Variants in KCNMA1 observed in about 807,000 individuals in gnomAD.
KCNMA1 encodes Calcium-activated potassium channel subunit alpha-1.
A neutral mutation model predicts 140.0 loss-of-function variants in KCNMA1; 29 were observed. The observed-to-expected ratio is 0.21, with a 90% CI of 0.15 to 0.28. KCNMA1 has a LOEUF of 0.28. Ranked by LOEUF, KCNMA1 falls within the 10% of genes least tolerant of loss-of-function variation. The probability of loss-of-function intolerance (pLI) is 1.00; values close to 1 mark genes in which losing one functional copy is unlikely to be tolerated. For missense variants in KCNMA1, 880 were observed against 1,602.2 expected, an observed-to-expected ratio of 0.55 and a Z score of 7.70; for synonymous variants, 612 against 611.9, an observed-to-expected ratio of 1.00 and a Z score of 0.00.
intron 25 of KCNMA1, among the ~76,000 whole-genome samples, chr10:76,908,233 G>A (rs2048599987): frequency 6.6e-6 from 1 of 152,166 alleles, no homozygotes; most frequent in Admixed American, 6.5e-5. Flanking sequence ...ATTCCTTCTG[G>A]CTTGCTCAAG....
In KCNMA1 at chr10:77,356,516, C is replaced by A. The variant is rs1186075237; in HGVS notation, c.540+47346G>T. Among the ~76,000 whole-genome samples the A allele has an allele frequency of 2.0e-5, 3 of 152,114 alleles. No individual in the cohort carries two copies. The East Asian group carries it at 5.8e-4, about 29-fold the overall frequency. On this transcript the variant is annotated intron_variant, in intron 2 of 27. Coordinates refer to ENST00000286628, the MANE Select transcript of KCNMA1 (RefSeq NM_001161352.2). Reference sequence around the variant, plus strand: ...CAGGTCTGTGTTGGTAAATTAGACACCGTGTGGCCTTTCAACATCCAGGAG... The same window carrying A: ...CAGGTCTGTGTTGGTAAATTAGACAACGTGTGGCCTTTCAACATCCAGGAG...
chr10:77,255,960 G>C (rs1004670914), intron 2 of KCNMA1, among the ~76,000 whole-genome samples: 1 of 151,532 alleles, frequency 6.6e-6, no homozygotes, highest in Non-Finnish European at 1.5e-5. Context: ...TGCAAAGAAG[G>C]AGCCTGGTGC....
chr10:77,039,713 T>C lies in KCNMA1; in HGVS notation c.1750-76A>G, dbSNP rs1167241732. 4.5e-6 allele frequency: 4 copies of C among 887,026 alleles called. No individual in the cohort carries two copies. In the Admixed American group the frequency reaches 7.3e-5, roughly 16 times the overall value. The allele number at this position is 887,026 out of a possible 1,614,324, so 54.9% of individuals were successfully genotyped here. A position where few individuals can be genotyped will look rare whatever the true frequency, so the allele number is the denominator to read the frequency against. ...AAAAGGGAAACCTGAGTTACACTCT[T>C]AGGCAAACAAATGAATGCACTGGTT... On this transcript the variant is annotated intron_variant, in intron 14 of 27. Transcript: ENST00000286628.
chr10:77,526,686 T>C (rs1473579679), intron 1 of KCNMA1, among the ~76,000 whole-genome samples: 1 of 152,218 alleles, frequency 6.6e-6, no homozygotes, highest in Non-Finnish European at 1.5e-5. Flanking sequence ...AACTGAATTC[T>C]CTGTTGTGTT....
chr10:77,063,465 C>G (rs560619130), intron 14 of KCNMA1, among the ~76,000 whole-genome samples: 5 of 152,018 alleles, frequency 3.3e-5, no homozygotes, highest in Non-Finnish European at 5.9e-5. Context: ...AGGTATATCA[C>G]GTAAACTGAA....
At chr10:77,375,887 GCTGCATCCAGC>G (rs374313891) in intron 2 of KCNMA1, among the ~76,000 whole-genome samples, 118 of 152,286 alleles carry the variant, frequency 7.7e-4, no homozygotes, top group African/African-American at 2.7e-3. Context: ...GCTGGCTGTG[GCTGCATCCAGC>G]CTGCATCACG....
chr10:77,021,089 G>A (rs909845996), intron 16 of KCNMA1: 1 of 152,080 alleles, frequency 6.6e-6, no homozygotes, highest in Admixed American at 6.6e-5. Context: ...TGACCCCATG[G>A]AATATAATAC....
chr10:77,200,154 T>C (rs1360792426), intron 3 of KCNMA1, among the ~76,000 whole-genome samples: 1 of 152,176 alleles, frequency 6.6e-6, no homozygotes, highest in African/African-American at 2.4e-5. Flanking sequence ...TTTCACCATG[T>C]TGGCTAGGCT....
At position 77,117,800 on chromosome 10, in the gene KCNMA1, A is replaced by G. The variant is rs546849760; in HGVS notation, c.884+3173T>C. 3.3e-5 allele frequency among the ~76,000 whole-genome samples: 5 copies of G among 152,258 alleles called. No individual in the cohort carries two copies. In the South Asian group the frequency reaches 8.3e-4, roughly 25 times the overall value. The stretch of plus-strand genomic sequence containing the variant: ...CTGAGAAACTGCCAAAACCTCAGAT[A>G]GTGAGAGGGAGTCTCCTTGTCTCCC... On this transcript the variant is annotated intron_variant, in intron 6 of 27. Transcript: ENST00000286628.
chr10:77,464,122 G>GCAA (rs2097932084), intron 1 of KCNMA1, among the ~76,000 whole-genome samples: 1 of 152,118 alleles, frequency 6.6e-6, no homozygotes, highest in Non-Finnish European at 1.5e-5. Context: ...TGAGTTCCTG[G>GCAA]TCCAGCTATT....
intron 1 of KCNMA1, among the ~76,000 whole-genome samples, chr10:77,568,572 A>G (rs1387740053): frequency 6.6e-6 from 1 of 151,824 alleles, no homozygotes; most frequent in Non-Finnish European, 1.5e-5. Context: ...TTAGGTACTG[A>G]TGGGACGTAT....
At chr10:77,317,132 T>A (rs561211685) in intron 2 of KCNMA1, among the ~76,000 whole-genome samples, 1 of 152,246 alleles carries the variant, frequency 6.6e-6, no homozygotes, top group African/African-American at 2.4e-5. Flanking sequence ...CCACTTAGAC[T>A]GCCAACTGCC....
At chr10:77,372,970 T>C (rs2094840925) in intron 2 of KCNMA1, 1 of 152,238 alleles carries the variant, frequency 6.6e-6, no homozygotes, top group Admixed American at 6.5e-5. Flanking sequence ...GTTGACTTGA[T>C]ATTTGCTACC....
intron 1 of KCNMA1, among the ~76,000 whole-genome samples, chr10:77,462,492 C>T (rs2097897255): frequency 6.6e-6 from 1 of 152,198 alleles, no homozygotes; most frequent in Non-Finnish European, 1.5e-5. Context: ...TAAACATACA[C>T]ACATCTATAG....
intron 23 of KCNMA1, among the ~76,000 whole-genome samples, chr10:76,920,018 GTGTATATATATATATA>G (rs1240304848): frequency 3.9e-4 from 17 of 43,584 alleles, no homozygotes; most frequent in Non-Finnish European, 1.2e-4. Flanking sequence ...GTGTGTGTGT[GTGTATATATATATATA>G]TATATATATA....
chr10:76,876,269 G>A (rs568926041), downstream of KCNMA1: 4 of 152,732 alleles, frequency 2.6e-5, no homozygotes, highest in Non-Finnish European at 5.9e-5. Context: ...GTTCCATTAA[G>A]TGTCCACAGT....
At chr10:77,634,729 G>C (rs1006868140) in intron 1 of KCNMA1, 52 of 814,308 alleles carry the variant, frequency 6.4e-5, no homozygotes, top group Non-Finnish European at 4.4e-6. Flanking sequence ...CCTGTGTATC[G>C]AGTCTTGACA....
rs2097580351 is a variant in KCNMA1, at chr10:77,120,967, T to A, written c.884+6A>T. ...AATGAAAAAAATATGACGAAGAACA[T>A]CTTACCTTGTTTTAAGAATATTCAG... is the stretch of plus-strand genomic sequence containing the variant. On this transcript the variant is annotated splice_donor_region_variant and intron_variant, in intron 6 of 27. Transcript: ENST00000286628. 1 of 1,548,504 alleles carries A rather than the reference T, an allele frequency of 6.5e-7. No individual in the cohort carries two copies. Among genetic ancestry groups the A allele is most frequent in the South Asian group, 1.1e-5 (1 of 89,568 alleles).
intron 2 of KCNMA1, among the ~76,000 whole-genome samples, chr10:77,383,620 T>C (rs1294515655): frequency 2.0e-5 from 3 of 152,192 alleles, no homozygotes; most frequent in Non-Finnish European, 4.4e-5. Flanking sequence ...GTTTAATCTA[T>C]ACAAAATATT....
Sources: allele counts gnomAD v4.1 joint callset (sites outside exome capture counted in the v4.1 genomes callset), GRCh38; gene constraint gnomAD v4.1.1; transcripts MANE v1.5; gene names NCBI Gene and HGNC (gene_info 2026-07-23, HGNC 2026-07-21).